Variants in SGCZ observed in about 807,000 individuals in gnomAD.
The protein encoded by SGCZ is zeta-sarcoglycan.
Under a neutral mutation model 41.3 loss-of-function variants are expected in SGCZ, and 40 were observed. That is an observed-to-expected ratio of 0.97 (90% CI 0.75 to 1.26). SGCZ has a LOEUF of 1.26. SGCZ is among the 50% of genes most tolerant of loss of function. The pLI, the probability that SGCZ is intolerant of heterozygous loss-of-function variation, is 0.00. For missense variants in SGCZ, 552 were observed against 369.8 expected (o/e 1.49, Z -4.04); for synonymous variants, 206 against 137.5 (o/e 1.50, Z -3.49).
At chr8:14,145,958 A>G (rs1031530673) in intron 5 of SGCZ, among the ~76,000 whole-genome samples, 69 of 152,170 alleles carry the variant, frequency 4.5e-4, no homozygotes, top group African/African-American at 1.6e-3. Flanking sequence ...ATAGCCTCCA[A>G]TGGGTAAATC....
intron 1 of SGCZ, among the ~76,000 whole-genome samples, chr8:14,734,358 C>A (rs57852034): frequency 6.6e-6 from 1 of 151,896 alleles, no homozygotes; most frequent in African/African-American, 2.4e-5. Flanking sequence ...ACTACAGCAA[C>A]AAGAAATCAG....
chr8:15,179,212 A>C (rs1337442866), intron 1 of SGCZ, among the ~76,000 whole-genome samples: 1 of 152,188 alleles, frequency 6.6e-6, no homozygotes, highest in Non-Finnish European at 1.5e-5. Context: ...AAGATCAAAT[A>C]ATAAAATAAT....
intron 2 of SGCZ, among the ~76,000 whole-genome samples, chr8:14,537,380 G>A (rs1803328524): frequency 6.6e-6 from 1 of 151,850 alleles, no homozygotes; most frequent in South Asian, 2.1e-4. Context: ...CTATGTCAAT[G>A]TGGGGACTCT....
chr8:14,178,939 C>A (rs1253517671), intron 4 of SGCZ, among the ~76,000 whole-genome samples: 1 of 152,124 alleles, frequency 6.6e-6, no homozygotes, highest in East Asian at 1.9e-4. Flanking sequence ...CTTCTGAGCC[C>A]ATTAATGGGA....
intron 4 of SGCZ, among the ~76,000 whole-genome samples, chr8:14,191,971 G>T (rs1170838426): frequency 2.0e-5 from 3 of 151,956 alleles, no homozygotes; most frequent in Non-Finnish European, 4.4e-5. Flanking sequence ...AAAGCTCAAA[G>T]AAGATATTTC....
At position 15,038,467 on chromosome 8, in the gene SGCZ, A is replaced by T. The variant is rs1485635252; in HGVS notation, c.39+199118T>A. ...TACAAAAATAACATCAAAATTGACT[A>T]AAGAGTTTAATATAAGACCTTGAAC... On this transcript the variant is annotated intron_variant, in intron 1 of 7. Coordinates refer to ENST00000382080, the MANE Select transcript of SGCZ (RefSeq NM_139167.4). Among the ~76,000 whole-genome samples the T allele has an allele frequency of 5.9e-5, 9 of 152,052 alleles. No individual in the cohort carries two copies. In the East Asian group the frequency reaches 1.5e-3, roughly 26 times the overall value.
intron 1 of SGCZ, among the ~76,000 whole-genome samples, chr8:14,887,541 T>C (rs752917119): frequency 7.9e-5 from 12 of 152,132 alleles, no homozygotes; most frequent in African/African-American, 1.9e-4. Context: ...CCATCAAAAA[T>C]AGCAAAACCT....
At chr8:14,863,801 G>C (rs1803834130) in intron 1 of SGCZ, among the ~76,000 whole-genome samples, 1 of 152,094 alleles carries the variant, frequency 6.6e-6, no homozygotes, top group South Asian at 2.1e-4. Flanking sequence ...TCCACATCAT[G>C]TGAAGACTGG....
At position 15,139,521 on chromosome 8, in the gene SGCZ, T is replaced by C. The variant is rs74366654; in HGVS notation, c.39+98064A>G. 9.9e-3 allele frequency among the ~76,000 whole-genome samples: 1,508 copies of C among 152,296 alleles called. 80 individuals are homozygous for C. In the East Asian group the frequency reaches 0.15, roughly 15 times the overall value. ...TTTTGGAAATAAATATTATTGTGTATATTTAAGGTGACATGGCACTATAAG... is the reference window on the plus strand; with the variant it reads ...TTTTGGAAATAAATATTATTGTGTACATTTAAGGTGACATGGCACTATAAG... On this transcript the variant is annotated intron_variant, in intron 1 of 7. Transcript: ENST00000382080.
intron 1 of SGCZ, among the ~76,000 whole-genome samples, chr8:14,615,796 A>G (rs1806080750): frequency 6.6e-6 from 1 of 152,186 alleles, no homozygotes; most frequent in Non-Finnish European, 1.5e-5. Flanking sequence ...AACACAGAAC[A>G]TTTACATATA....
intron 2 of SGCZ, among the ~76,000 whole-genome samples, chr8:14,379,741 T>A (rs1207824926): frequency 1.3e-5 from 2 of 151,982 alleles, no homozygotes; most frequent in Non-Finnish European, 2.9e-5. Flanking sequence ...TATATACATA[T>A]ATATTTTGGA....
At chr8:14,830,192 GTTAT>G in intron 1 of SGCZ, among the ~76,000 whole-genome samples, 1 of 151,860 alleles carries the variant, frequency 6.6e-6, no homozygotes, top group Non-Finnish European at 1.5e-5. Context: ...TATTTATTTG[GTTAT>G]TTAATTATTC....
intron 2 of SGCZ, among the ~76,000 whole-genome samples, chr8:14,509,785 C>G (rs922128008): frequency 6.6e-6 from 1 of 152,082 alleles, no homozygotes; most frequent in Admixed American, 6.6e-5. Context: ...GGGAGACTTA[C>G]AATCATGGCA....
intron 1 of SGCZ, among the ~76,000 whole-genome samples, chr8:14,569,394 T>C (rs1011387613): frequency 8.5e-5 from 13 of 152,238 alleles, no homozygotes; most frequent in African/African-American, 2.7e-4. Context: ...ACCAAAATAA[T>C]TTTACAGTTT....
chr8:14,773,758 CAA>C (rs1196181605), intron 1 of SGCZ, among the ~76,000 whole-genome samples: 1 of 152,148 alleles, frequency 6.6e-6, no homozygotes, highest in East Asian at 1.9e-4. Context: ...ATCTGTAAGG[CAA>C]AGTCAGCAGA....
intron 1 of SGCZ, among the ~76,000 whole-genome samples, chr8:14,999,309 C>A (rs1258524890): frequency 1.3e-5 from 2 of 152,058 alleles, no homozygotes; most frequent in Non-Finnish European, 2.9e-5. Context: ...TTAATACTTG[C>A]TGAGATACGT....
chr8:14,209,654 C>A (rs1256142605), intron 4 of SGCZ, among the ~76,000 whole-genome samples: 1 of 152,054 alleles, frequency 6.6e-6, no homozygotes, highest in East Asian at 1.9e-4. Flanking sequence ...AATGTACATT[C>A]AATATAATAT....
chr8:15,129,885 C>T (rs532159657), intron 1 of SGCZ, among the ~76,000 whole-genome samples: 5 of 152,034 alleles, frequency 3.3e-5, no homozygotes, highest in East Asian at 1.9e-4. Flanking sequence ...TCACCACCAC[C>T]GACAGCCTTG....
intron 1 of SGCZ, among the ~76,000 whole-genome samples, chr8:14,935,503 G>A (rs1800055905): frequency 6.6e-6 from 1 of 151,846 alleles, no homozygotes; most frequent in Admixed American, 6.6e-5. Context: ...ATCCAGTTAT[G>A]GTATTGGATA....
Sources: gnomAD v4.1 joint callset for allele counts (sites outside exome capture counted in the v4.1 genomes callset) on GRCh38, gnomAD v4.1.1 for gene constraint, MANE v1.5 for transcripts, NCBI Gene and HGNC (gene_info 2026-07-23, HGNC 2026-07-21) for gene names.